KIAA1217: variants seen among roughly 807,000 people sequenced by gnomAD.
KIAA1217 encodes KIAA1217.
KIAA1217 carries 88 observed loss-of-function variants against 163.9 expected under a neutral mutation model. The observed-to-expected ratio is 0.54, with a 90% CI of 0.45 to 0.64. The LOEUF (loss-of-function observed/expected upper bound fraction) is 0.64. Among genes scored for constraint, KIAA1217 ranks in the 30% least tolerant of loss-of-function variants. The pLI, the probability that KIAA1217 is intolerant of heterozygous loss-of-function variation, is 0.00. For missense variants in KIAA1217, 2,372 were observed against 2,475.0 expected (o/e 0.96, Z 0.88); for synonymous variants, 903 against 923.1 (o/e 0.98, Z 0.39).
At chr10:24,284,022 G>A (rs1016346031) in intron 2 of KIAA1217, among the ~76,000 whole-genome samples, 7 of 151,678 alleles carry the variant, frequency 4.6e-5, no homozygotes, top group African/African-American at 1.7e-4. Context: ...CAATTCTCCT[G>A]CCTCAGCCTC....
rs551442304 is a variant in KIAA1217, at chr10:24,040,351, A to C, written c.-171+32977A>C. On this transcript the variant is annotated intron_variant, in intron 2 of 18. Coordinates refer to the KIAA1217 transcript ENST00000376462. ...GAATGCTCTTCATTTGACAGCCTAT[A>C]AAGTAGCCAAGGTTAGTTTCTTTGT... 1.2e-4 allele frequency among the ~76,000 whole-genome samples: 19 copies of C among 152,338 alleles called. 1 individual carries two copies. The highest frequency in any genetic ancestry group is 6.5e-4 in the Admixed American group (10 of 15,300).
rs1564421240 is a variant in KIAA1217 at position 23,789,988 on chromosome 10, T to TACATATACACATATACACATAC, written c.-321+94768_-321+94769insACACATACACATATACACATAT. Among the ~76,000 whole-genome samples, 46 of 95,280 alleles carry TACATATACACATATACACATAC rather than the reference T, an allele frequency of 4.8e-4. 6 individuals are homozygous for TACATATACACATATACACATAC. The highest frequency in any genetic ancestry group is 1.4e-3 in the South Asian group (5 of 3,474). 62.5% of individuals were successfully genotyped at this position (95,280 alleles called of 152,430 possible). On this transcript the variant is annotated intron_variant, in intron 1 of 18. Coordinates refer to the KIAA1217 transcript ENST00000376462. ...ATATACATATACATATATACACATATACATATACACATATGCACATACACA... is the reference window on the plus strand; with the variant it reads ...ATATACATATACATATATACACATATACATATACACATATACACATACACATATACACATATGCACATACACA...
At chr10:23,754,528 T>C (rs1833824084) in intron 1 of KIAA1217, among the ~76,000 whole-genome samples, 1 of 152,214 alleles carries the variant, frequency 6.6e-6, no homozygotes. Context: ...TTGACGAATA[T>C]TGTTGGATCT....
chr10:24,157,722 T>C lies in KIAA1217; in HGVS notation c.-170-61904T>C, dbSNP rs1419169683. ...ATGCAAATTAATGAGATTATAACTC[T>C]CAGTATAGCTAAAATTAAAAAGACT... On this transcript the variant is annotated intron_variant, in intron 2 of 18. Transcript: ENST00000376462. The C allele has an allele frequency of 1.1e-5, 3 of 263,790 alleles. 1 individual carries two copies. The South Asian group carries it at 3.5e-4, about 31-fold the overall frequency. 16.3% of individuals were successfully genotyped at this position (263,790 alleles called of 1,614,324 possible).
At chr10:24,444,846 C>T (rs953636930) in intron 5 of KIAA1217, among the ~76,000 whole-genome samples, 1 of 152,154 alleles carries the variant, frequency 6.6e-6, no homozygotes, top group African/African-American at 2.4e-5. Context: ...AGCAAGGGTA[C>T]AGGCATTTGT....
At chr10:24,434,364 G>T (rs2059856737) in intron 4 of KIAA1217, among the ~76,000 whole-genome samples, 2 of 152,046 alleles carry the variant, frequency 1.3e-5, no homozygotes, top group Non-Finnish European at 2.9e-5. Context: ...TGAAGACAGG[G>T]TCTTGCTCTG....
chr10:24,368,653 TTC>T (rs1179985063), intron 2 of KIAA1217, among the ~76,000 whole-genome samples: 1 of 152,134 alleles, frequency 6.6e-6, no homozygotes, highest in Non-Finnish European at 1.5e-5. Context: ...AGATGTCAAA[TTC>T]TGTTTTGAAA....
At chr10:23,810,089 G>C (rs1836924954) in intron 1 of KIAA1217, among the ~76,000 whole-genome samples, 1 of 151,780 alleles carries the variant, frequency 6.6e-6, no homozygotes, top group Non-Finnish European at 1.5e-5. Context: ...AGTTAGGCTA[G>C]GCTAAGCTAT....
rs554157866 is a variant in KIAA1217, at chr10:23,854,081, T to C, written c.-320-153144T>C. 3.2e-3 allele frequency among the ~76,000 whole-genome samples: 493 copies of C among 152,182 alleles called. 5 individuals are homozygous for C. Among genetic ancestry groups the C allele is most frequent in the African/African-American group, 0.01 (423 of 41,540 alleles). The stretch of plus-strand genomic sequence containing the variant: ...CTTTTGAATGTGTTTGCTCTTGCTT[T>C]TCTAGTTCTTTTAATTGTGATGTTA... On this transcript the variant is annotated intron_variant, in intron 1 of 18. Transcript: ENST00000376462.
At chr10:24,137,545 G>C (rs1336546947) in intron 2 of KIAA1217, among the ~76,000 whole-genome samples, 1 of 152,100 alleles carries the variant, frequency 6.6e-6, no homozygotes, top group African/African-American at 2.4e-5. Context: ...GAATCAAAAC[G>C]TTTGCCCAGA....
At chr10:24,027,031 G>A (rs1443987907) in intron 2 of KIAA1217, among the ~76,000 whole-genome samples, 1 of 151,646 alleles carries the variant, frequency 6.6e-6, no homozygotes, top group Non-Finnish European at 1.5e-5. Flanking sequence ...TGAGATGTTT[G>A]TTGTTTAACT....
chr10:24,512,611 A>G (rs2069365412), intron 9 of KIAA1217, among the ~76,000 whole-genome samples: 1 of 152,250 alleles, frequency 6.6e-6, no homozygotes, highest in Admixed American at 6.5e-5. Context: ...GGACTCATCC[A>G]GAATCATTAT....
intron 17 of KIAA1217, among the ~76,000 whole-genome samples, chr10:24,542,195 G>C (rs1361676716): frequency 6.6e-6 from 1 of 152,192 alleles, no homozygotes; most frequent in African/African-American, 2.4e-5. Context: ...GCTGTAAGGG[G>C]AACTAAAATT....
At chr10:23,810,134 T>C (rs1836927181) in intron 1 of KIAA1217, among the ~76,000 whole-genome samples, 1 of 151,756 alleles carries the variant, frequency 6.6e-6, no homozygotes, top group Admixed American at 6.6e-5. Flanking sequence ...AAATGCATTG[T>C]TGACTTAAGA....
At chr10:24,193,861 A>C (rs1362301741) in intron 2 of KIAA1217, among the ~76,000 whole-genome samples, 1 of 150,578 alleles carries the variant, frequency 6.6e-6, no homozygotes, top group East Asian at 2.0e-4. Context: ...AGTCACGTGC[A>C]TGTTCATGTA....
intron 1 of KIAA1217, among the ~76,000 whole-genome samples, chr10:23,830,846 A>ACACT (rs1447331119): frequency 6.6e-6 from 1 of 151,802 alleles, no homozygotes; most frequent in African/African-American, 2.4e-5. Context: ...ACACACACAC[A>ACACT]CACTCACTCA....
intron 1 of KIAA1217, among the ~76,000 whole-genome samples, chr10:23,817,772 G>T (rs1447963881): frequency 6.6e-6 from 1 of 151,418 alleles, no homozygotes; most frequent in Non-Finnish European, 1.5e-5. Flanking sequence ...AGAGTTTTTG[G>T]ATGACAGTAA....
intron 2 of KIAA1217, among the ~76,000 whole-genome samples, chr10:24,253,216 C>G (rs1015567935): frequency 6.6e-6 from 1 of 152,106 alleles, no homozygotes; most frequent in Non-Finnish European, 1.5e-5. Flanking sequence ...TAATATAGTG[C>G]TGAGGGTTTT....
intron 5 of KIAA1217, among the ~76,000 whole-genome samples, chr10:24,450,809 G>C (rs923331345): frequency 6.6e-6 from 1 of 152,206 alleles, no homozygotes; most frequent in Non-Finnish European, 1.5e-5. Flanking sequence ...ACAGAGCTGG[G>C]ATTTAAATCC....
Sources: allele counts gnomAD v4.1 joint callset (sites outside exome capture counted in the v4.1 genomes callset), GRCh38; gene constraint gnomAD v4.1.1; transcripts MANE v1.5; gene names NCBI Gene and HGNC (gene_info 2026-07-23, HGNC 2026-07-21).